ETV6: variants seen among roughly 807,000 people sequenced by gnomAD.
ETV6 encodes ETS variant transcription factor 6, also known as transcription factor ETV6.
ETV6 carries 16 observed loss-of-function variants against 51.1 expected under a neutral mutation model. That is an observed-to-expected ratio of 0.31 (90% CI 0.21 to 0.48). The LOEUF (loss-of-function observed/expected upper bound fraction) is 0.48. Among genes scored for constraint, ETV6 ranks in the 20% least tolerant of loss-of-function variants. ETV6 has a pLI of 0.99. For synonymous variants in ETV6, 240 were observed against 224.1 expected (o/e 1.07, Z -0.64); for missense variants, 458 against 594.8 (o/e 0.77, Z 2.39).
intron 1 of ETV6, among the ~76,000 whole-genome samples, chr12:11,720,732 A>G (rs924033396): frequency 2.0e-5 from 3 of 152,198 alleles, no homozygotes; most frequent in Admixed American, 6.5e-5. Flanking sequence ...ACAAGTGGGA[A>G]CTAATTAAAC....
At chr12:11,875,904 A>G (rs577815334) in intron 5 of ETV6, among the ~76,000 whole-genome samples, 1 of 152,344 alleles carries the variant, frequency 6.6e-6, no homozygotes, top group Admixed American at 6.5e-5. Flanking sequence ...TAGTTACAAC[A>G]GAGATTGCAT....
Position 11,869,632 on chromosome 12 carries a change from C to T in ETV6, c.672C>T (p.His224=), listed in dbSNP as rs781065435. ...PAERAQGPRP[H]QENNHQESYP... ...AGAGAGCTCAGGGACCCAGGCCGCA[C>T]CAGGAGAACAACCACCAGGAGTCCT... The change falls in exon 5 of 8, where the codon CAC becomes CAT. Residue 224 remains histidine, a synonymous_variant. Coordinates refer to ENST00000396373, the MANE Select transcript of ETV6 (RefSeq NM_001987.5). This position sits in a 1 kb window ranked among gnomAD's most constrained non-coding sequence, Gnocchi z 5.0. 9 of 1,614,210 alleles carry T rather than the reference C, an allele frequency of 5.6e-6. No individual in the cohort carries two copies. Among genetic ancestry groups the T allele is most frequent in the Non-Finnish European group, 7.6e-6 (9 of 1,180,038 alleles).
chr12:11,888,841 A>G (rs1947245763), intron 7 of ETV6, among the ~76,000 whole-genome samples: 1 of 152,190 alleles, frequency 6.6e-6, no homozygotes, highest in South Asian at 2.1e-4. Flanking sequence ...AGCTAGAGCG[A>G]CTACAGGATT....
At chr12:11,715,943 G>C (rs1202254467) in intron 1 of ETV6, among the ~76,000 whole-genome samples, 1 of 152,190 alleles carries the variant, frequency 6.6e-6, no homozygotes, top group African/African-American at 2.4e-5. Flanking sequence ...GCCAAGAGAA[G>C]AACAGCGTCT....
rs74060894 is a variant in ETV6, at chr12:11,876,511, C to T, written c.1009+6542C>T. 2.6e-3 allele frequency among the ~76,000 whole-genome samples: 392 copies of T among 152,294 alleles called. 2 individuals carry two copies. The highest frequency in any genetic ancestry group is 9.0e-3 in the African/African-American group (375 of 41,572). On this transcript the variant is annotated intron_variant, in intron 5 of 7. Coordinates refer to ENST00000396373, the MANE Select transcript of ETV6 (RefSeq NM_001987.5). ...GTTTTCTCTTAAAGTACTTTAATTC[C>T]GTTAAAACCTGAGCCACCAGATTTC...
At chr12:11,783,350 G>C (rs747168090) in intron 2 of ETV6, among the ~76,000 whole-genome samples, 1 of 152,166 alleles carries the variant, frequency 6.6e-6, no homozygotes, top group Non-Finnish European at 1.5e-5. Flanking sequence ...AGGTGTCTTT[G>C]GCTTTTCCAA....
intron 2 of ETV6, among the ~76,000 whole-genome samples, chr12:11,808,289 G>A (rs946965699): frequency 6.6e-6 from 1 of 151,974 alleles, no homozygotes; most frequent in African/African-American, 2.4e-5. Context: ...TACAATTCTA[G>A]CCACCTCCAC....
intron 3 of ETV6, among the ~76,000 whole-genome samples, chr12:11,851,443 A>C (rs1370559416): frequency 6.6e-6 from 1 of 152,232 alleles, no homozygotes; most frequent in Non-Finnish European, 1.5e-5. Context: ...AATATGAATC[A>C]TTAAAATAGG....
chr12:11,878,143 G>C (rs2136569337), intron 5 of ETV6, among the ~76,000 whole-genome samples: 1 of 152,310 alleles, frequency 6.6e-6, no homozygotes, highest in South Asian at 2.1e-4. Flanking sequence ...TGAATAAGAT[G>C]AGCACTGGGG....
intron 2 of ETV6, among the ~76,000 whole-genome samples, chr12:11,797,447 A>C (rs1000365308): frequency 6.6e-6 from 1 of 152,210 alleles, no homozygotes; most frequent in African/African-American, 2.4e-5. Flanking sequence ...CAAAGAGCTC[A>C]AGGAGCAGAA....
intron 1 of ETV6, among the ~76,000 whole-genome samples, chr12:11,747,634 C>T (rs939214401): frequency 3.3e-5 from 5 of 152,100 alleles, no homozygotes; most frequent in Admixed American, 2.6e-4. Flanking sequence ...TTACGTTTGT[C>T]TCACTGAATT....
At chr12:11,650,481 T>TAAAAAAAAAAAAAAAAAAAAAAAAAA (rs367594605) in intron 1 of ETV6, among the ~76,000 whole-genome samples, 4 of 43,328 alleles carry the variant, frequency 9.2e-5, no homozygotes, top group South Asian at 1.4e-3. Flanking sequence ...TTAGTGCGCT[T>TAAAAAAAAAAAAAAAAAAAAAAAAAA]AAAAAAAAAA....
At chr12:11,833,828 G>A (rs891948059) in intron 2 of ETV6, among the ~76,000 whole-genome samples, 2 of 152,164 alleles carry the variant, frequency 1.3e-5, no homozygotes, top group Non-Finnish European at 2.9e-5. Flanking sequence ...GTTAAGAGTT[G>A]ACACTGTAGA....
chr12:11,812,601 G>C (rs1416042671), intron 2 of ETV6, among the ~76,000 whole-genome samples: 1 of 152,060 alleles, frequency 6.6e-6, no homozygotes, highest in South Asian at 2.1e-4. Flanking sequence ...ATCAGACTTC[G>C]GGAGAGGATC....
At chr12:11,839,099 AC>A in intron 2 of ETV6, 40 bp from the exon 3 acceptor site, 1 of 1,591,394 alleles carries the variant, frequency 6.3e-7, no homozygotes, top group Non-Finnish European at 8.6e-7. Context: ...AACTGACAAG[AC>A]CTTTCTCTCT....
chr12:11,814,144 T>C (rs1945956767), intron 2 of ETV6, among the ~76,000 whole-genome samples: 1 of 152,224 alleles, frequency 6.6e-6, no homozygotes, highest in Non-Finnish European at 1.5e-5. Flanking sequence ...TTTATAATGG[T>C]GACCCCAAAG....
chr12:11,688,176 G>C (rs150092292), intron 1 of ETV6, among the ~76,000 whole-genome samples: 1 of 152,150 alleles, frequency 6.6e-6, no homozygotes, highest in South Asian at 2.1e-4. Context: ...GAACTGGATC[G>C]AAGTAGATAC....
In ETV6 at chr12:11,894,495, T is replaced by C. The variant is rs1573612; in HGVS notation, c.*3449T>C. 111,983 of 232,804 alleles carry C rather than the reference T, an allele frequency of 0.48. 27,507 individuals are homozygous for C. Among genetic ancestry groups the C allele is most frequent in the Admixed American group, 0.57 (10,185 of 17,784 alleles). 14.4% of individuals were successfully genotyped at this position (232,804 alleles called of 1,614,324 possible). A position where few individuals can be genotyped will look rare whatever the true frequency, so the allele number is the denominator to read the frequency against. ...TCCAAATCCTTTAGGGAGATGAGGG[T>C]ATCCCCACAGAAAAAGAGGAATAAT... On this transcript the variant is annotated 3_prime_UTR_variant, in exon 8 of 8. Transcript: ENST00000396373.
At chr12:11,677,597 G>A (rs1864445222) in intron 1 of ETV6, among the ~76,000 whole-genome samples, 1 of 152,182 alleles carries the variant, frequency 6.6e-6, no homozygotes, top group Non-Finnish European at 1.5e-5. Flanking sequence ...GGATTGATTG[G>A]ATGTATGCGT....
Sources: gnomAD v4.1 joint callset for allele counts (sites outside exome capture counted in the v4.1 genomes callset) on GRCh38, gnomAD v4.1.1 for gene constraint, Gnocchi (gnomAD v3.1) non-coding constraint, MANE v1.5 for transcripts, NCBI Gene and HGNC (gene_info 2026-07-23, HGNC 2026-07-21) for gene names.